Variants in CARF observed in about 807,000 individuals in gnomAD.
The protein encoded by CARF is calcium responsive transcription factor.
CARF carries 57 observed loss-of-function variants against 82.0 expected under a neutral mutation model. The observed-to-expected ratio is 0.70, with a 90% confidence interval of 0.56 to 0.87. The LOEUF (loss-of-function observed/expected upper bound fraction) is 0.87, where lower values mean the gene tolerates loss of function less well. CARF is among the 40% of genes least tolerant of loss of function. The pLI is 0.00. For missense variants in CARF, 771 were observed against 855.8 expected (o/e 0.90, Z 1.24); for synonymous variants, 268 against 290.1 (o/e 0.92, Z 0.77).
chr2:202,943,705 TGGCCCGATCTC>T (rs2058355674), intron 5 of CARF, among the ~76,000 whole-genome samples: 1 of 151,014 alleles, frequency 6.6e-6, no homozygotes, highest in African/African-American at 2.4e-5. Flanking sequence ...TGGAGTACAG[TGGCCCGATCTC>T]GGCTCACTGC....
intron 5 of CARF, among the ~76,000 whole-genome samples, chr2:202,946,574 C>T (rs569936790): frequency 6.6e-6 from 1 of 152,300 alleles, no homozygotes; most frequent in Non-Finnish European, 1.5e-5. Flanking sequence ...CAATGCCATT[C>T]AGGACATAGG....
At chr2:202,965,123 T>G (rs2059495033) in intron 9 of CARF, among the ~76,000 whole-genome samples, 1 of 152,186 alleles carries the variant, frequency 6.6e-6, no homozygotes, top group Admixed American at 6.5e-5. Flanking sequence ...TGAAGATTTC[T>G]CTCCTCTTCT....
rs1167584078 is a variant in CARF at position 202,971,750 on chromosome 2, G to C, written c.1331+12G>C. 6.3e-7 allele frequency: 1 copy of C among 1,576,908 alleles called. No individual in the cohort carries two copies. Among genetic ancestry groups the C allele is most frequent in the Admixed American group, 1.7e-5 (1 of 59,712 alleles). On this transcript the variant is annotated intron_variant, in intron 12 of 16. Transcript: ENST00000438828. ...AGGAAACAGCTAAGGTACAATAGAA[G>C]AGCATTGTTCTTTTACATTTTTCAG...
At chr2:202,982,501 A>G in intron 16 of CARF, 60 bp downstream of exon 16, 2 of 1,556,544 alleles carry the variant, frequency 1.3e-6, no homozygotes, top group East Asian at 4.5e-5. Context: ...TCATCACTAT[A>G]TTATACTATA....
At chr2:202,952,455 C>A in intron 5 of CARF, 104 bp from the exon 6 acceptor site, 1 of 1,048,956 alleles carries the variant, frequency 9.5e-7, no homozygotes, top group Non-Finnish European at 1.3e-6. Context: ...ATCATAGAAT[C>A]CATCATAGAG....
intron 3 of CARF, among the ~76,000 whole-genome samples, chr2:202,935,201 T>A (rs888816663): frequency 7.0e-6 from 1 of 142,562 alleles, no homozygotes. Flanking sequence ...AAATATATAA[T>A]ATATAATATA....
intron 14 of CARF, among the ~76,000 whole-genome samples, chr2:202,978,492 G>C (rs1196872493): frequency 6.6e-6 from 1 of 152,162 alleles, no homozygotes; most frequent in Non-Finnish European, 1.5e-5. Context: ...ACTTCTGTTG[G>C]CTTTCCTTTT....
chr2:202,961,326 T>A lies in CARF; in HGVS notation c.732T>A (p.Val244=). ...TTCACAAGCAGCAAACACAGAGTGT[T>A]TGGGGGACCCGTCAGTCTCCAAGCC... is the stretch of plus-strand genomic sequence containing the variant. ...LTFHKQQTQS[V]WGTRQSPSPA... is the part of the protein sequence containing the mutation. Residue 244 remains valine, a synonymous_variant, in exon 9 of 17, where the codon GTT becomes GTA. Transcript: ENST00000438828. 1 of 1,614,238 alleles carries A rather than the reference T, an allele frequency of 6.2e-7. No homozygotes were observed. The highest frequency in any genetic ancestry group is 8.5e-7 in the Non-Finnish European group (1 of 1,180,038).
At chr2:202,934,518 A>G (rs1034015041) in intron 3 of CARF, 4 of 152,122 alleles carry the variant, frequency 2.6e-5, no homozygotes, top group African/African-American at 9.7e-5. Flanking sequence ...GTGCAGTGCT[A>G]TGATCACAGC....
rs1159356141 is a variant in CARF, at chr2:202,982,353, A to G, written c.1971A>G (p.Thr657=). The G allele has an allele frequency of 5.6e-6, 9 of 1,614,190 alleles. No homozygotes were observed. The highest frequency in any genetic ancestry group is 1.7e-5 in the Admixed American group (1 of 60,026). Residue 657 remains threonine (T), a synonymous_variant, in exon 16 of 17, where the codon ACA becomes ACG. Transcript: ENST00000438828. ...ELVEVGDVED[T]GNLEGTVHRI... ...TAGAAGTTGGAGATGTTGAGGATAC[A>G]GGGAATCTGGAAGGAACTGTTCATC...
At chr2:202,931,003 TCA>T (rs1692835981) in intron 3 of CARF, among the ~76,000 whole-genome samples, 1 of 148,424 alleles carries the variant, frequency 6.7e-6, no homozygotes, top group Non-Finnish European at 1.5e-5. Context: ...CAACGGAGTT[TCA>T]CTCTTGTTGC....
intron 3 of CARF, chr2:202,925,974 G>A: frequency 6.4e-6 from 1 of 156,998 alleles, no homozygotes. Context: ...TTCCAATCCA[G>A]CTTAGACTCT....
In CARF at chr2:202,967,108, A is replaced by C. The variant is rs1415091534; in HGVS notation, c.953+10A>C. 1.9e-6 allele frequency: 3 copies of C among 1,608,380 alleles called. No individual in the cohort carries two copies. Among genetic ancestry groups the C allele is most frequent in the Non-Finnish European group, 2.5e-6 (3 of 1,178,584 alleles). On this transcript the variant is annotated intron_variant, in intron 10 of 16. Coordinates refer to ENST00000438828, the MANE Select transcript of CARF (RefSeq NM_024744.17). ...CCACTTGTCCAGCTCGGTAAGCTTT[A>C]TTTTCTTTTATTTGTTTTCTATTAA... is the stretch of plus-strand genomic sequence containing the variant.
Position 202,912,859 on chromosome 2 carries a change from A to T in CARF, c.-573A>T, listed in dbSNP as rs1310628521. On this transcript the variant is annotated 5_prime_UTR_variant, in exon 1 of 17. Transcript: ENST00000438828. Reference sequence around the variant, plus strand: ...GAGCCCTTTTATACCTTACGTTTAGAAGGGGAAAATCATCCTCCCACACCT... The same window carrying T: ...GAGCCCTTTTATACCTTACGTTTAGTAGGGGAAAATCATCCTCCCACACCT... The T allele has an allele frequency of 3.3e-5, 5 of 151,952 alleles. No homozygotes were observed. The highest frequency in any genetic ancestry group is 7.4e-5 in the Non-Finnish European group (5 of 67,988). The allele number at this position is 151,952 out of a possible 1,614,324, so 9.4% of individuals were successfully genotyped here.
At position 202,912,450 on chromosome 2, in the gene CARF, C is replaced by T. The variant is rs1259228946; in HGVS notation, c.-982C>T. ...GTCTGGCAGCGCTGTCTGCGCAGACCTACCGGACGCTACCTCCCAACCCCC... is the reference window on the plus strand; with the variant it reads ...GTCTGGCAGCGCTGTCTGCGCAGACTTACCGGACGCTACCTCCCAACCCCC... On this transcript the variant is annotated 5_prime_UTR_variant, in exon 1 of 17. Coordinates refer to ENST00000438828, the MANE Select transcript of CARF (RefSeq NM_024744.17). 1.4e-5 allele frequency: 1 copy of T among 70,996 alleles called. No homozygotes were observed. The highest frequency in any genetic ancestry group is 6.9e-4 in the South Asian group (1 of 1,454). 4.4% of individuals were successfully genotyped at this position (70,996 alleles called of 1,614,324 possible).
chr2:202,971,593 G>A lies in CARF; in HGVS notation c.1186G>A (p.Val396Met), dbSNP rs372297325. Residue 396 changes from valine (V) to methionine (M), a missense_variant, in exon 12 of 17, where the codon GTG becomes ATG. Physicochemically the swap from Val to Met is conservative, Grantham distance 21. Transcript: ENST00000438828. ...CACTTTGTCACCTTCTCCTTTTCCTGTGTCTTCTCTTGAAGAAGAGGAAAC... is the reference window on the plus strand; with the variant it reads ...CACTTTGTCACCTTCTCCTTTTCCTATGTCTTCTCTTGAAGAAGAGGAAAC... ...CLTLSPSPFP[V>M]SSLEEEETAV... The A allele has an allele frequency of 6.2e-6, 10 of 1,613,582 alleles. No homozygotes were observed. The highest frequency in any genetic ancestry group is 1.3e-5 in the African/African-American group (1 of 74,970).
chr2:202,925,104 C>T, intron 3 of CARF: 1 of 387,862 alleles, frequency 2.6e-6, no homozygotes, highest in Non-Finnish European at 5.1e-6. Flanking sequence ...ACACACTGAG[C>T]CAGGAGCAGC....
intron 3 of CARF, among the ~76,000 whole-genome samples, chr2:202,926,800 C>A (rs1256032887): frequency 6.6e-6 from 1 of 152,096 alleles, no homozygotes; most frequent in Non-Finnish European, 1.5e-5. Flanking sequence ...ATATATCTTG[C>A]ATATCTCTTG....
chr2:202,973,713 TG>T (rs2059904066), intron 12 of CARF: 2 of 211,972 alleles, frequency 9.4e-6, no homozygotes, highest in African/African-American at 4.7e-5. Context: ...TGATGTGAAG[TG>T]TTCCATACAG....
Sources: allele counts gnomAD v4.1 joint callset (sites outside exome capture counted in the v4.1 genomes callset), GRCh38; gene constraint gnomAD v4.1.1; transcripts MANE v1.5; gene names NCBI Gene and HGNC (gene_info 2026-07-23, HGNC 2026-07-21).